DMD: variants seen among roughly 807,000 people sequenced by gnomAD.
DMD encodes mutant dystrophin.
In DMD, 63 loss-of-function variants were observed where a neutral mutation model predicts 330.1. The observed-to-expected ratio is 0.19, with a 90% CI of 0.16 to 0.24. DMD has a LOEUF of 0.24. DMD is among the 10% of genes least tolerant of loss of function. The probability of loss-of-function intolerance (pLI) is 1.00; values close to 1 mark genes in which losing one functional copy is unlikely to be tolerated. For missense variants in DMD, 3,344 were observed against 2,684.1 expected (o/e 1.25, Z -5.43); for synonymous variants, 1,223 against 959.8 (o/e 1.27, Z -5.07).
At chrX:31,384,277 G>A (rs775348099) in intron 60 of DMD, among the ~76,000 whole-genome samples, 5 of 109,967 alleles carry the variant, frequency 4.5e-5, no homozygotes, top group East Asian at 2.9e-4. Flanking sequence ...TCCAGTTCCC[G>A]CCCGCGAGGG....
chrX:32,743,159 C>T (rs765518945), intron 7 of DMD, among the ~76,000 whole-genome samples: 2 of 111,368 alleles, frequency 1.8e-5, no homozygotes, highest in East Asian at 5.7e-4. Flanking sequence ...CAGCCCCTCC[C>T]GGGATCTGCC....
intron 16 of DMD, among the ~76,000 whole-genome samples, chrX:32,553,582 A>C (rs1603636167): frequency 9.1e-6 from 1 of 110,166 alleles, no homozygotes; most frequent in Non-Finnish European, 1.9e-5. Flanking sequence ...AAAATAATAT[A>C]GTATAATAAT....
At chrX:32,403,335 G>A (rs1193579349) in intron 30 of DMD, among the ~76,000 whole-genome samples, 1 of 111,501 alleles carries the variant, frequency 9.0e-6, no homozygotes, top group East Asian at 2.8e-4. Context: ...TGGCTGTAGC[G>A]TGAAGTTATT....
chrX:31,753,805 A>G (rs1023993762), intron 51 of DMD, among the ~76,000 whole-genome samples: 2 of 112,092 alleles, frequency 1.8e-5, no homozygotes, highest in Non-Finnish European at 3.8e-5. Flanking sequence ...TATCATAAGA[A>G]TAATCAAAGG....
intron 1 of DMD, among the ~76,000 whole-genome samples, chrX:33,045,251 CATA>C (rs1311982660): frequency 2.8e-5 from 3 of 109,000 alleles, no homozygotes; most frequent in Middle Eastern, 4.7e-3. Context: ...TGTTGAGAAT[CATA>C]ATATTATAGG....
At chrX:31,612,464 G>A (rs113414866) in intron 55 of DMD, among the ~76,000 whole-genome samples, 57 of 111,613 alleles carry the variant, frequency 5.1e-4, no homozygotes, top group African/African-American at 1.5e-3. Flanking sequence ...CCTGGAGGCC[G>A]GCATAGTGAT....
chrX:32,074,184 T>G lies in DMD; in HGVS notation c.6439-105670A>C, dbSNP rs148613731. On this transcript the variant is annotated intron_variant, in intron 44 of 78. Coordinates refer to ENST00000357033, the MANE Select transcript of DMD (RefSeq NM_004006.3). ...TGCATGATTATATTATGATACTATT[T>G]ATCTGTTCATAAACATGACCTGCCT... 4.9e-3 allele frequency among the ~76,000 whole-genome samples: 549 copies of G among 111,769 alleles called. 2 individuals carry two copies. Among genetic ancestry groups the G allele is most frequent in the Non-Finnish European group, 7.8e-3 (414 of 53,147 alleles).
intron 21 of DMD, among the ~76,000 whole-genome samples, chrX:32,480,400 G>A (rs868274924): frequency 7.6e-5 from 8 of 104,638 alleles, no homozygotes; most frequent in African/African-American, 1.8e-4. Flanking sequence ...GTGTGTGTGT[G>A]TATATGTCTA....
intron 54 of DMD, among the ~76,000 whole-genome samples, chrX:31,638,119 T>C (rs190338953): frequency 8.9e-6 from 1 of 112,198 alleles, no homozygotes; most frequent in Non-Finnish European, 1.9e-5. Context: ...AAATGTTATT[T>C]CAATACTTTC....
At chrX:31,610,214 GA>G (rs1311321103) in intron 55 of DMD, among the ~76,000 whole-genome samples, 1 of 111,231 alleles carries the variant, frequency 9.0e-6, no homozygotes, top group Non-Finnish European at 1.9e-5. Flanking sequence ...TATGTGCAAA[GA>G]AATACATATT....
At chrX:32,833,385 G>A (rs1231382195) in intron 4 of DMD, among the ~76,000 whole-genome samples, 2 of 110,343 alleles carry the variant, frequency 1.8e-5, no homozygotes, top group South Asian at 7.5e-4. Context: ...TTTGATACAG[G>A]TAATCTGGTT....
chrX:33,008,867 C>CATATATGTGTATAT (rs2093465575), intron 2 of DMD, among the ~76,000 whole-genome samples: 1 of 50,527 alleles, frequency 2.0e-5, no homozygotes, highest in Non-Finnish European at 4.6e-5. Flanking sequence ...TATATATACA[C>CATATATGTGTATAT]ATACTCATAT....
At chrX:33,118,157 C>T (rs776427562) in intron 1 of DMD, among the ~76,000 whole-genome samples, 313 of 101,000 alleles carry the variant, frequency 3.1e-3, no homozygotes, top group Non-Finnish European at 5.0e-3. Flanking sequence ...GTCGCCCAGG[C>T]TGGAGTGCAG....
chrX:31,293,936 G>T (rs1200706681), intron 62 of DMD, among the ~76,000 whole-genome samples: 1 of 111,606 alleles, frequency 9.0e-6, no homozygotes, highest in Non-Finnish European at 1.9e-5. Context: ...CAGGAGGATC[G>T]CTTGAGCCAA....
chrX:32,925,021 G>A (rs1287323469), intron 2 of DMD, among the ~76,000 whole-genome samples: 1 of 110,119 alleles, frequency 9.1e-6, no homozygotes, highest in Non-Finnish European at 1.9e-5. Flanking sequence ...TGGGGTTGGG[G>A]AAAAAGTAGA....
At chrX:32,252,640 A>C (rs1413810762) in intron 43 of DMD, among the ~76,000 whole-genome samples, 1 of 73,711 alleles carries the variant, frequency 1.4e-5, no homozygotes, top group Non-Finnish European at 2.2e-5. Flanking sequence ...GTATATATAA[A>C]TATATATAAA....
chrX:32,537,273 T>C (rs1031811829), intron 17 of DMD, among the ~76,000 whole-genome samples: 2 of 111,329 alleles, frequency 1.8e-5, no homozygotes, highest in Non-Finnish European at 3.8e-5. Flanking sequence ...GGGATGAACA[T>C]CAGGAGAGAG....
At chrX:32,046,845 T>C (rs2096067902) in intron 44 of DMD, among the ~76,000 whole-genome samples, 1 of 111,939 alleles carries the variant, frequency 8.9e-6, no homozygotes, top group Admixed American at 9.5e-5. Context: ...TGTGGGAAAT[T>C]GACTTGAACA....
At chrX:32,618,396 C>A (rs2057743034) in intron 11 of DMD, among the ~76,000 whole-genome samples, 1 of 111,475 alleles carries the variant, frequency 9.0e-6, no homozygotes, top group Non-Finnish European at 1.9e-5. Context: ...TTATCCTTAG[C>A]AAAATAACGC....
Sources: allele counts gnomAD v4.1 joint callset (sites outside exome capture counted in the v4.1 genomes callset), GRCh38; gene constraint gnomAD v4.1.1; transcripts MANE v1.5; gene names NCBI Gene and HGNC (gene_info 2026-07-23, HGNC 2026-07-21).